Variants in SESTD1 observed in about 807,000 individuals in gnomAD.
SESTD1 encodes the protein SEC14 and spectrin domain containing 1, also known as SEC14 domain and spectrin repeat-containing protein 1.
Under a neutral mutation model 101.7 loss-of-function variants are expected in SESTD1, and 43 were observed. The ratio of observed to expected loss-of-function variants is 0.42; its 90% CI spans 0.33 to 0.55. The LOEUF is 0.55. SESTD1 is among the 20% of genes least tolerant of loss of function. SESTD1 has a pLI of 0.07. For synonymous variants in SESTD1, 283 were observed against 286.8 expected (o/e 0.99, Z 0.13); for missense variants, 647 against 815.1 (o/e 0.79, Z 2.51).
rs113766610 is a variant in SESTD1 at position 179,115,693 on chromosome 2, C to A, written c.1648-437G>T. 2.1e-3 allele frequency among the ~76,000 whole-genome samples: 315 copies of A among 152,130 alleles called. 6 individuals are homozygous for A. The highest frequency in any genetic ancestry group is 7.2e-3 in the African/African-American group (301 of 41,518). ...AGCCCAGGAGTTTGAGGATGCAGTG[C>A]GCTATGATTGTGCTGAAACATCATA... On this transcript the variant is annotated intron_variant, in intron 15 of 17. Coordinates refer to ENST00000428443, the MANE Select transcript of SESTD1 (RefSeq NM_178123.5).
intron 5 of SESTD1, among the ~76,000 whole-genome samples, chr2:179,157,770 G>A (rs899839882): frequency 6.6e-6 from 1 of 152,074 alleles, no homozygotes; most frequent in Non-Finnish European, 1.5e-5. Flanking sequence ...ATTAGAAGAC[G>A]TGTATTTTAG....
intron 4 of SESTD1, 89 bp from the exon 5 acceptor site, chr2:179,172,322 C>A: frequency 1.3e-6 from 1 of 779,188 alleles, no homozygotes; most frequent in Non-Finnish European, 2.0e-6. Context: ...CAAGATTATG[C>A]TACATAAGAG....
At chr2:179,116,002 G>A (rs771456423) in intron 15 of SESTD1, among the ~76,000 whole-genome samples, 3 of 151,452 alleles carry the variant, frequency 2.0e-5, no homozygotes, top group Admixed American at 6.6e-5. Flanking sequence ...GGCTTGGCGC[G>A]GTGGCTCACT....
chr2:179,238,175 A>T (rs2047096961), intron 1 of SESTD1, among the ~76,000 whole-genome samples: 2 of 152,204 alleles, frequency 1.3e-5, no homozygotes, highest in Admixed American at 1.3e-4. Flanking sequence ...AAATGTCATC[A>T]TCCTTGTTGT....
chr2:179,180,313 C>T (rs1477293833), intron 3 of SESTD1, among the ~76,000 whole-genome samples: 2 of 151,988 alleles, frequency 1.3e-5, no homozygotes, highest in Non-Finnish European at 2.9e-5. Flanking sequence ...ATATTCAAAA[C>T]GTTAAGATAG....
At chr2:179,223,941 A>G (rs898281160) in intron 1 of SESTD1, among the ~76,000 whole-genome samples, 1 of 152,222 alleles carries the variant, frequency 6.6e-6, no homozygotes, top group Non-Finnish European at 1.5e-5. Context: ...ACACATAAAG[A>G]CATCCAAGGT....
intron 1 of SESTD1, among the ~76,000 whole-genome samples, chr2:179,230,901 C>T (rs1196739280): frequency 6.6e-6 from 1 of 152,010 alleles, no homozygotes; most frequent in Non-Finnish European, 1.5e-5. Flanking sequence ...AACTATTAGA[C>T]TTTAAAAATA....
chr2:179,118,550 C>CT (rs200391760), intron 13 of SESTD1, among the ~76,000 whole-genome samples: 61 of 151,206 alleles, frequency 4.0e-4, no homozygotes, highest in African/African-American at 9.0e-4. Context: ...TATCACAAGG[C>CT]TTTTTTTTAA....
Position 179,226,865 on chromosome 2 carries a change from A to G in SESTD1, c.-25-34999T>C, listed in dbSNP as rs113574806. Among the ~76,000 whole-genome samples, 362 of 152,352 alleles carry G rather than the reference A, an allele frequency of 2.4e-3. 6 individuals carry two copies. The highest frequency in any genetic ancestry group is 8.3e-3 in the African/African-American group (344 of 41,596). ...ATGCGCAATAAATATTTGTTGAATA[A>G]TGATCCTGCCAGCTTTCTCAGTTAG... is the stretch of plus-strand genomic sequence containing the variant. On this transcript the variant is annotated intron_variant, in intron 1 of 17. Coordinates refer to ENST00000428443, the MANE Select transcript of SESTD1 (RefSeq NM_178123.5).
intron 9 of SESTD1, among the ~76,000 whole-genome samples, chr2:179,134,488 A>G (rs10497533): frequency 0.056 from 8,476 of 152,220 alleles, 300 homozygotes; most frequent in South Asian, 0.091. Context: ...TCAAATAACT[A>G]TTGTACCTGC....
intron 1 of SESTD1, among the ~76,000 whole-genome samples, chr2:179,230,130 T>TA: frequency 1.6e-5 from 1 of 63,922 alleles, no homozygotes; most frequent in African/African-American, 6.4e-5. Flanking sequence ...TTTTTTTTTT[T>TA]TTTTTTTTTT....
At chr2:179,219,641 T>G (rs530397283) in intron 1 of SESTD1, among the ~76,000 whole-genome samples, 1 of 152,194 alleles carries the variant, frequency 6.6e-6, no homozygotes, top group Non-Finnish European at 1.5e-5. Context: ...ATATATAAAA[T>G]TATACAGAAA....
In SESTD1 at chr2:179,245,288, G is replaced by A. The variant is rs566240361; in HGVS notation, c.-26+19211C>T. The stretch of plus-strand genomic sequence containing the variant: ...TCCCAGCACTTTAGGAGGCTGAGGC[G>A]GACGGATCATGAGGTTAGGAGTTCC... On this transcript the variant is annotated intron_variant, in intron 1 of 17. Transcript: ENST00000428443. Among the ~76,000 whole-genome samples, 11 of 152,142 alleles carry A rather than the reference G, an allele frequency of 7.2e-5. 1 individual carries two copies. Among genetic ancestry groups the A allele is most frequent in the Admixed American group, 3.9e-4 (6 of 15,278 alleles).
At chr2:179,189,544 C>A (rs1475563729) in intron 2 of SESTD1, among the ~76,000 whole-genome samples, 1 of 152,044 alleles carries the variant, frequency 6.6e-6, no homozygotes, top group Non-Finnish European at 1.5e-5. Flanking sequence ...CACTTGTATT[C>A]AACATAGTAC....
intron 1 of SESTD1, among the ~76,000 whole-genome samples, chr2:179,200,491 T>C (rs975262521): frequency 6.6e-5 from 10 of 152,090 alleles, no homozygotes; most frequent in African/African-American, 2.4e-4. Flanking sequence ...AGAACAAAGC[T>C]GGAGGCATCA....
intron 1 of SESTD1, among the ~76,000 whole-genome samples, chr2:179,194,074 TTC>T (rs2046356225): frequency 6.6e-6 from 1 of 152,210 alleles, no homozygotes; most frequent in African/African-American, 2.4e-5. Context: ...TGGATGGCCT[TTC>T]TTTTACTCTC....
At chr2:179,175,206 A>G (rs1378510861) in intron 4 of SESTD1, among the ~76,000 whole-genome samples, 1 of 152,138 alleles carries the variant, frequency 6.6e-6, no homozygotes, top group Non-Finnish European at 1.5e-5. Flanking sequence ...AATGAGATAA[A>G]TTTATATAGC....
Position 179,228,350 on chromosome 2 carries a change from T to C in SESTD1, c.-26+36149A>G, listed in dbSNP as rs546068678. On this transcript the variant is annotated intron_variant, in intron 1 of 17. Coordinates refer to ENST00000428443, the MANE Select transcript of SESTD1 (RefSeq NM_178123.5). ...ACATTTCACATTTTGGGGAGTTATA[T>C]ATCTCCTTTTTAACAAATATGTCCA... Among the ~76,000 whole-genome samples the C allele has an allele frequency of 9.8e-5, 15 of 152,344 alleles. No individual in the cohort carries two copies. The South Asian group carries it at 1.2e-3, about 13-fold the overall frequency.
intron 1 of SESTD1, chr2:179,263,875 T>C (rs975973406): frequency 2.0e-5 from 3 of 152,474 alleles, no homozygotes; most frequent in Non-Finnish European, 4.4e-5. Flanking sequence ...TGGAGGGATG[T>C]TAACCTCTGG....
Sources: allele counts gnomAD v4.1 joint callset (sites outside exome capture counted in the v4.1 genomes callset), GRCh38; gene constraint gnomAD v4.1.1; transcripts MANE v1.5; gene names NCBI Gene and HGNC (gene_info 2026-07-23, HGNC 2026-07-21).